ALMS1: variants seen among roughly 807,000 people sequenced by gnomAD.
The protein encoded by ALMS1 is centrosome-associated protein ALMS1.
ALMS1 carries 271 observed loss-of-function variants against 352.2 expected under a neutral mutation model. That is an observed-to-expected ratio of 0.77 (90% CI 0.70 to 0.85). The LOEUF (loss-of-function observed/expected upper bound fraction) is 0.85, where lower values mean the gene tolerates loss of function less well. ALMS1 is among the 40% of genes least tolerant of loss of function. The probability of loss-of-function intolerance (pLI) is 0.00; values close to 1 mark genes in which losing one functional copy is unlikely to be tolerated. For missense variants in ALMS1, 5,445 were observed against 4,870.7 expected, an observed-to-expected ratio of 1.12 and a Z score of -3.51; for synonymous variants, 1,865 against 1,761.2, an observed-to-expected ratio of 1.06 and a Z score of -1.48.
At chr2:73,512,904 G>A (rs1673480330) in intron 10 of ALMS1, among the ~76,000 whole-genome samples, 1 of 152,000 alleles carries the variant, frequency 6.6e-6, no homozygotes, top group African/African-American at 2.4e-5. Flanking sequence ...TTAGAGGTTA[G>A]GATTTAAACA....
chr2:73,493,473 A>C (rs1025660782), intron 10 of ALMS1, among the ~76,000 whole-genome samples: 2 of 151,946 alleles, frequency 1.3e-5, no homozygotes, highest in African/African-American at 4.8e-5. Context: ...CTGTAATCCC[A>C]GCACTTTGGG....
At chr2:73,482,120 T>C (rs1672722030) in intron 9 of ALMS1, among the ~76,000 whole-genome samples, 2 of 152,212 alleles carry the variant, frequency 1.3e-5, no homozygotes, top group South Asian at 4.1e-4. Flanking sequence ...CCATGTTGAA[T>C]AGGAGTGGTG....
At position 73,489,872 on chromosome 2, in the gene ALMS1, C is replaced by A. The variant is rs750727922; in HGVS notation, c.7913C>A (p.Ser2638Tyr). Residue 2638 changes from serine to tyrosine, a missense_variant, in exon 10 of 23, where the codon TCC (serine) becomes TAC (tyrosine). Physicochemically the swap from Ser to Tyr is moderately radical, Grantham distance 144 (BLOSUM62 -2). Coordinates refer to ENST00000613296, the MANE Select transcript of ALMS1 (RefSeq NM_001378454.1). ...NLSASLDQNN[S>Y]HFKVWNSLQL... Reference sequence around the variant, plus strand: ...TCTGCATCCTTAGACCAGAACAACTCCCATTTCAAAGTTTGGAATTCCTTG... The same window carrying A: ...TCTGCATCCTTAGACCAGAACAACTACCATTTCAAAGTTTGGAATTCCTTG... 12 of 1,614,032 alleles carry A rather than the reference C, an allele frequency of 7.4e-6. No individual in the cohort carries two copies. Among genetic ancestry groups the A allele is most frequent in the Non-Finnish European group, 1.0e-5 (12 of 1,180,032 alleles).
rs1016245881 is a variant in ALMS1, at chr2:73,385,948, A to G, written c.80A>G (p.Glu27Gly). Residue 27 changes from glutamate to glycine, a missense_variant, in exon 1 of 23, where the codon GAG (glutamate) becomes GGG (glycine). By Grantham distance (98) the Glu-to-Gly change is moderately conservative. Transcript: ENST00000613296. Reference protein sequence around the residue: ...EEEEEEEEEEEEAAAAAAANV... With the variant: ...EEEEEEEEEEGEAAAAAAANV... The stretch of plus-strand genomic sequence containing the variant: ...GAGGAGGAGGAGGAGGAGGAAGAGG[A>G]GGAGGCTGCAGCGGCGGCGGCGGCG... 3.1e-6 allele frequency: 4 copies of G among 1,290,640 alleles called. No homozygotes were observed. Among genetic ancestry groups the G allele is most frequent in the Non-Finnish European group, 4.4e-6 (4 of 913,218 alleles). 79.9% of individuals were successfully genotyped at this position (1,290,640 alleles called of 1,614,324 possible).
Position 73,491,163 on chromosome 2 carries a change from C to G in ALMS1, c.9204C>G (p.Phe3068Leu), listed in dbSNP as rs1672977223. The G allele has an allele frequency of 6.2e-7, 1 of 1,613,972 alleles. No homozygotes were observed. The highest frequency in any genetic ancestry group is 1.3e-5 in the African/African-American group (1 of 74,916). Residue 3068 changes from phenylalanine (F) to leucine (L), a missense_variant, in exon 10 of 23, where the codon TTC becomes TTG. Physicochemically the swap from Phe to Leu is conservative, Grantham distance 22 (BLOSUM62 0). Transcript: ENST00000613296. ...ATAGTGGAACTTTAGATGAAAGATT[C>G]CATTCATTGGATGCTGCTTCTAAAG... ...KLDSGTLDER[F>L]HSLDAASKAR...
intron 9 of ALMS1, among the ~76,000 whole-genome samples, chr2:73,467,280 C>G (rs1341851570): frequency 6.6e-6 from 1 of 152,012 alleles, no homozygotes; most frequent in Non-Finnish European, 1.5e-5. Context: ...GGAAGTCATG[C>G]AAATCAATTA....
At chr2:73,527,868 T>C (rs983028030) in intron 11 of ALMS1, among the ~76,000 whole-genome samples, 2 of 152,142 alleles carry the variant, frequency 1.3e-5, no homozygotes, top group Non-Finnish European at 2.9e-5. Context: ...TCTATGTTTT[T>C]TTAATGTAGG....
rs781138734 is a variant in ALMS1, at chr2:73,491,085, A to G, written c.9126A>G (p.Lys3042=). 17 of 1,614,078 alleles carry G rather than the reference A, an allele frequency of 1.1e-5. No individual in the cohort carries two copies. The South Asian group carries it at 1.3e-4, about 13-fold the overall frequency. The change falls in exon 10 of 23, where the codon AAA becomes AAG. Residue 3042 remains lysine, a synonymous_variant. Transcript: ENST00000613296. ...ASASTPPSNR[K]ALSCVHITLC... is the part of the protein sequence containing the mutation. ...CATCTACTCCTCCTTCAAATAGAAA[A>G]GCACTTTCTTGTGTTCATATAACTC...
chr2:73,408,864 C>CTTTTTTTTT (rs58686365), intron 2 of ALMS1, 117 bp downstream of exon 2: 8 of 188,572 alleles, frequency 4.2e-5, no homozygotes, highest in South Asian at 1.5e-4. Flanking sequence ...GTTTTCTTGT[C>CTTTTTTTTT]TTTTTTTTTT....
chr2:73,597,546 TC>T (rs1675576975), intron 16 of ALMS1, among the ~76,000 whole-genome samples: 1 of 152,216 alleles, frequency 6.6e-6, no homozygotes, highest in Admixed American at 6.5e-5. Flanking sequence ...TTTTTTATGT[TC>T]CCTTTTTTAA....
intron 11 of ALMS1, among the ~76,000 whole-genome samples, chr2:73,531,814 T>TA (rs1182213062): frequency 2.6e-5 from 4 of 152,338 alleles, no homozygotes; most frequent in Non-Finnish European, 4.4e-5. Context: ...AGACACATCT[T>TA]ACGTGGCAGC....
intron 3 of ALMS1, among the ~76,000 whole-genome samples, chr2:73,421,373 C>T (rs926785544): frequency 6.6e-6 from 1 of 152,036 alleles, no homozygotes; most frequent in Non-Finnish European, 1.5e-5. Flanking sequence ...GCCCAAAGGT[C>T]CCCCTTGTAG....
chr2:73,559,478 T>C (rs1365840622), intron 15 of ALMS1, among the ~76,000 whole-genome samples: 1 of 152,102 alleles, frequency 6.6e-6, no homozygotes, highest in African/African-American at 2.4e-5. Flanking sequence ...CAGAAGACTA[T>C]AGCAAAGATA....
chr2:73,551,826 C>G (rs572082020), intron 13 of ALMS1, among the ~76,000 whole-genome samples: 2 of 152,242 alleles, frequency 1.3e-5, no homozygotes, highest in African/African-American at 4.8e-5. Context: ...AATGAAAACT[C>G]CAGTAGCCAC....
chr2:73,474,411 C>CTG lies in ALMS1; in HGVS notation c.7675-15222_7675-15221insGT, dbSNP rs10526164. 2.7e-5 allele frequency among the ~76,000 whole-genome samples: 4 copies of CTG among 148,536 alleles called. No homozygotes were observed. The East Asian group carries it at 6.0e-4, about 22-fold the overall frequency. ...TGTGTGTGTGTGTGTGTGTGTGTGT[C>CTG]TATTGGTTTACATGACGGTGAAGAA... On this transcript the variant is annotated intron_variant, in intron 9 of 22. Coordinates refer to ENST00000613296, the MANE Select transcript of ALMS1 (RefSeq NM_001378454.1).
intron 9 of ALMS1, among the ~76,000 whole-genome samples, chr2:73,464,990 G>A (rs1558656489): frequency 6.7e-6 from 1 of 149,728 alleles, no homozygotes; most frequent in Non-Finnish European, 1.5e-5. Context: ...TGGGTAGGAA[G>A]AATCAATATC....
intron 2 of ALMS1, among the ~76,000 whole-genome samples, chr2:73,409,591 G>A (rs1394170808): frequency 6.6e-6 from 1 of 152,094 alleles, no homozygotes; most frequent in African/African-American, 2.4e-5. Context: ...AAAAATGACT[G>A]TTTTCCAAAA....
Position 73,491,349 on chromosome 2 carries a change from T to G in ALMS1, c.9390T>G (p.Pro3130=). ...CACTGGATTTCCAAGTCGTACAGCC[T>G]TCTCTTCCAGACAGTAACACTATTA... ...KSSLDFQVVQ[P]SLPDSNTITQ... The change falls in exon 10 of 23, where the codon CCT becomes CCG. Residue 3130 remains proline, a synonymous_variant. Coordinates refer to ENST00000613296, the MANE Select transcript of ALMS1 (RefSeq NM_001378454.1). The G allele has an allele frequency of 6.2e-7, 1 of 1,614,188 alleles. No individual in the cohort carries two copies. The highest frequency in any genetic ancestry group is 8.5e-7 in the Non-Finnish European group (1 of 1,180,018).
Position 73,572,730 on chromosome 2 carries a change from G to A in ALMS1, c.10853G>A (p.Gly3618Asp), listed in dbSNP as rs755071263. The A allele has an allele frequency of 7.4e-6, 12 of 1,613,978 alleles. No individual in the cohort carries two copies. The highest frequency in any genetic ancestry group is 4.4e-5 in the South Asian group (4 of 91,074). ...AGGCAACAGAGACAGCCTGAGTTGG[G>A]TGACAGGAAAGAACTGTCCTTGGTG... ...RQRQQRQPEL[G>D]DRKELSLVDR... The change falls in exon 16 of 23, where the codon GGT becomes GAT. Residue 3618 changes from glycine to aspartate, a missense_variant. By Grantham distance (94) the Gly-to-Asp change is moderately conservative (BLOSUM62 -1). Coordinates refer to ENST00000613296, the MANE Select transcript of ALMS1 (RefSeq NM_001378454.1).
Sources: allele counts gnomAD v4.1 joint callset (sites outside exome capture counted in the v4.1 genomes callset), GRCh38; gene constraint gnomAD v4.1.1; transcripts MANE v1.5; gene names NCBI Gene and HGNC (gene_info 2026-07-23, HGNC 2026-07-21).